Variants in ADAT1 observed in about 807,000 individuals in gnomAD.
ADAT1 encodes tRNA-specific adenosine deaminase 1.
A neutral mutation model predicts 58.6 loss-of-function variants in ADAT1; 58 were observed. The ratio of observed to expected loss-of-function variants is 0.99; its 90% CI spans 0.80 to 1.23. The LOEUF (loss-of-function observed/expected upper bound fraction) is 1.23, where lower values mean the gene tolerates loss of function less well. Ranked by LOEUF, ADAT1 falls within the 50% of genes most tolerant of loss-of-function variation. The probability of loss-of-function intolerance (pLI) is 0.00; values close to 1 mark genes in which losing one functional copy is unlikely to be tolerated. For missense variants in ADAT1, 741 were observed against 608.6 expected, an observed-to-expected ratio of 1.22 and a Z score of -2.29; for synonymous variants, 254 against 220.8, an observed-to-expected ratio of 1.15 and a Z score of -1.33.
chr16:75,602,724 G>C (rs904026266), intron 9 of ADAT1, among the ~76,000 whole-genome samples: 1 of 152,294 alleles, frequency 6.6e-6, no homozygotes, highest in Non-Finnish European at 1.5e-5. Flanking sequence ...AAGTCATGGA[G>C]CTGCAAGTTC....
intron 6 of ADAT1, among the ~76,000 whole-genome samples, chr16:75,609,189 G>C (rs1168798502): frequency 1.3e-5 from 2 of 152,066 alleles, no homozygotes; most frequent in East Asian, 3.8e-4. Context: ...CAATCTGCAG[G>C]GATAACTAAG....
At position 75,615,480 on chromosome 16, in the gene ADAT1, T is replaced by TAAAA. The variant is rs56149357; in HGVS notation, c.424+1658_424+1661dup. Reference sequence around the variant, plus strand: ...CGAACGCAAACGATAGTTGATGAGCTAAAAAAAAAAAAAAAAAAAAAAAAA... The same window carrying TAAAA: ...CGAACGCAAACGATAGTTGATGAGCTAAAAAAAAAAAAAAAAAAAAAAAAAAAAA... On this transcript the variant is annotated intron_variant, in intron 5 of 9. Coordinates refer to ENST00000564657, the MANE Select transcript of ADAT1 (RefSeq NM_001324445.2). Among the ~76,000 whole-genome samples, 31 of 32,944 alleles carry TAAAA rather than the reference T, an allele frequency of 9.4e-4. 8 individuals are homozygous for TAAAA. Among genetic ancestry groups the TAAAA allele is most frequent in the Non-Finnish European group, 2.2e-3 (18 of 8,290 alleles). 21.6% of individuals were successfully genotyped at this position (32,944 alleles called of 152,430 possible). A position where few individuals can be genotyped will look rare whatever the true frequency, so the allele number is the denominator to read the frequency against.
Position 75,617,255 on chromosome 16 carries a change from A to T in ADAT1, c.311T>A (p.Leu104His). Residue 104 changes from leucine to histidine, a missense_variant, in exon 5 of 10, where the codon CTC (leucine) becomes CAC (histidine). Transcript: ENST00000564657. ...CTCTTTCAGGGTGGCTGCCAACTGGAGTTGGTGGAGAAGGTACCTAAGGGT... is the reference window on the plus strand; with the variant it reads ...CTCTTTCAGGGTGGCTGCCAACTGGTGTTGGTGGAGAAGGTACCTAAGGGT... Reference protein sequence around the residue: ...RSFQRYLLHQLQLAATLKEDS... With the variant: ...RSFQRYLLHQHQLAATLKEDS... The T allele has an allele frequency of 6.2e-7, 1 of 1,613,204 alleles. No individual in the cohort carries two copies. The highest frequency in any genetic ancestry group is 8.5e-7 in the Non-Finnish European group (1 of 1,179,330).
chr16:75,599,735 G>A lies in ADAT1; in HGVS notation c.*481C>T, dbSNP rs141047834. The A allele has an allele frequency of 1.0e-6, 1 of 988,952 alleles. No individual in the cohort carries two copies. The highest frequency in any genetic ancestry group is 1.2e-6 in the Non-Finnish European group (1 of 832,062). The allele number at this position is 988,952 out of a possible 1,614,324, so 61.3% of individuals were successfully genotyped here. A position where few individuals can be genotyped will look rare whatever the true frequency, so the allele number is the denominator to read the frequency against. On this transcript the variant is annotated 3_prime_UTR_variant, in exon 10 of 10. Transcript: ENST00000564657. The stretch of plus-strand genomic sequence containing the variant: ...AGTAAGGTTAGCTTCAGCCAAGTCT[G>A]AGGCACAGAGCAGGATCACTGAAGA...
chr16:75,612,043 G>A (rs1023724344), intron 6 of ADAT1, among the ~76,000 whole-genome samples, 200 bp downstream of exon 6: 2 of 152,122 alleles, frequency 1.3e-5, no homozygotes, highest in Non-Finnish European at 2.9e-5. Context: ...GGGTGACAGA[G>A]CAAGACTCCG....
intron 3 of ADAT1, among the ~76,000 whole-genome samples, chr16:75,619,336 AAC>A (rs770806506): frequency 6.6e-6 from 1 of 152,120 alleles, no homozygotes; most frequent in Non-Finnish European, 1.5e-5. Context: ...CAGCCTGGCT[AAC>A]ACAGTGAGAC....
chr16:75,599,848 G>A lies in ADAT1; in HGVS notation c.*368C>T. The A allele has an allele frequency of 1.0e-6, 1 of 1,002,130 alleles. No individual in the cohort carries two copies. Among genetic ancestry groups the A allele is most frequent in the Non-Finnish European group, 1.2e-6 (1 of 840,900 alleles). 62.1% of individuals were successfully genotyped at this position (1,002,130 alleles called of 1,614,324 possible). On this transcript the variant is annotated 3_prime_UTR_variant, in exon 10 of 10. Coordinates refer to ENST00000564657, the MANE Select transcript of ADAT1 (RefSeq NM_001324445.2). The stretch of plus-strand genomic sequence containing the variant: ...GCTAGGCAAAGCTGTAAAACTTGCA[G>A]AGCGTCAAACATCATTTCAGCTCAA...
Position 75,608,468 on chromosome 16 carries a change from G to C in ADAT1, c.1190-145C>G, listed in dbSNP as rs909838623. 8 of 674,002 alleles carry C rather than the reference G, an allele frequency of 1.2e-5. No individual in the cohort carries two copies. In the Admixed American group the frequency reaches 2.1e-4, roughly 18 times the overall value. The allele number at this position is 674,002 out of a possible 1,614,324, so 41.8% of individuals were successfully genotyped here. A position where few individuals can be genotyped will look rare whatever the true frequency, so the allele number is the denominator to read the frequency against. The stretch of plus-strand genomic sequence containing the variant: ...GACAATGACTGCTATTGGATGCTTG[G>C]CCTCCAGGGTACAGTAGTCTAAGTG... On this transcript the variant is annotated intron_variant, in intron 7 of 9. Transcript: ENST00000564657.
At chr16:75,619,893 C>CAA (rs750598792) in intron 3 of ADAT1, 1,282 of 98,080 alleles carry the variant, frequency 0.013, 3 homozygotes, top group South Asian at 0.031. Context: ...GACTCCGAGT[C>CAA]AAAAAAAAAA....
In ADAT1 at chr16:75,620,396, G is replaced by A. The variant is rs2081893544; in HGVS notation, c.170-62C>T. 1.0e-5 allele frequency: 16 copies of A among 1,565,022 alleles called. No individual in the cohort carries two copies. In the South Asian group the frequency reaches 1.7e-4, roughly 16 times the overall value. On this transcript the variant is annotated intron_variant, in intron 2 of 9. Coordinates refer to ENST00000564657, the MANE Select transcript of ADAT1 (RefSeq NM_001324445.2). ...ACGGAATGTTCCCCGGTGTTCAGGTGTGATCAGCCTGCACACTCCTCTAGG... is the reference window on the plus strand; with the variant it reads ...ACGGAATGTTCCCCGGTGTTCAGGTATGATCAGCCTGCACACTCCTCTAGG...
At position 75,599,998 on chromosome 16, in the gene ADAT1, A is replaced by G; in HGVS notation, c.*218T>C. The G allele has an allele frequency of 2.3e-6, 3 of 1,318,508 alleles. No homozygotes were observed. Among genetic ancestry groups the G allele is most frequent in the Non-Finnish European group, 2.9e-6 (3 of 1,031,686 alleles). 81.7% of individuals were successfully genotyped at this position (1,318,508 alleles called of 1,614,324 possible). ...AGCAATAAAACACAATGGAAGTCAG[A>G]TAGTGAGGTCATTAGTGAGATGCCA... On this transcript the variant is annotated 3_prime_UTR_variant, in exon 10 of 10. Coordinates refer to ENST00000564657, the MANE Select transcript of ADAT1 (RefSeq NM_001324445.2).
chr16:75,609,637 A>T (rs1377629287), intron 6 of ADAT1, among the ~76,000 whole-genome samples: 3 of 152,202 alleles, frequency 2.0e-5, no homozygotes, highest in Admixed American at 6.5e-5. Context: ...ATGTAATTTA[A>T]GGAATTTTCA....
intron 6 of ADAT1, 141 bp from the exon 7 acceptor site, chr16:75,609,129 T>G: frequency 1.0e-6 from 1 of 988,924 alleles, no homozygotes; most frequent in Admixed American, 2.7e-5. Context: ...TGTTTCAGAA[T>G]AGAATCAAGA....
At chr16:75,617,418 A>G in intron 4 of ADAT1, 146 bp from the exon 5 acceptor site, 2 of 862,524 alleles carry the variant, frequency 2.3e-6, no homozygotes, top group South Asian at 4.5e-5. Context: ...TAGACCAGTG[A>G]TTCTCAAAGT....
rs545816178 is a variant in ADAT1 at position 75,612,776 on chromosome 16, T to C, written c.510A>G (p.Ser170=). 8 of 1,614,142 alleles carry C rather than the reference T, an allele frequency of 5.0e-6. No individual in the cohort carries two copies. In the African/African-American group the frequency reaches 1.1e-4, roughly 22 times the overall value. ...PVFRNWAHNS[S]VEASSNLEAP... is the part of the protein sequence containing the mutation. Reference sequence around the variant, plus strand: ...CTTCCAGGTTACTACTGGCTTCTACTGATGAGTTGTGGGCCCAATTTCTGA... The same window carrying C: ...CTTCCAGGTTACTACTGGCTTCTACCGATGAGTTGTGGGCCCAATTTCTGA... The change falls in exon 6 of 10, where the codon TCA becomes TCG. Residue 170 remains serine (S), a synonymous_variant. Coordinates refer to ENST00000564657, the MANE Select transcript of ADAT1 (RefSeq NM_001324445.2).
chr16:75,600,081 T>C lies in ADAT1; in HGVS notation c.*135A>G. On this transcript the variant is annotated 3_prime_UTR_variant, in exon 10 of 10. Transcript: ENST00000564657. ...CTTGCTCTAAGTTCCAGATTCCATC[T>C]GTATTACACAACAGAGATGCAAAGC... The C allele has an allele frequency of 6.7e-7, 1 of 1,496,446 alleles. No homozygotes were observed. Among genetic ancestry groups the C allele is most frequent in the Non-Finnish European group, 8.9e-7 (1 of 1,120,700 alleles). The allele number at this position is 1,496,446 out of a possible 1,614,324, so 92.7% of individuals were successfully genotyped here. A position where few individuals can be genotyped will look rare whatever the true frequency, so the allele number is the denominator to read the frequency against.
At chr16:75,600,525 C>A (rs1037433663) in intron 9 of ADAT1, among the ~76,000 whole-genome samples, 177 bp from the exon 10 acceptor site, 1 of 152,212 alleles carries the variant, frequency 6.6e-6, no homozygotes, top group Admixed American at 6.5e-5. Context: ...TCATACTCAA[C>A]TGAAACAGAG....
chr16:75,619,547 C>T (rs2081860386), intron 3 of ADAT1: 3 of 431,766 alleles, frequency 6.9e-6, no homozygotes, highest in East Asian at 1.4e-4. Flanking sequence ...ACCACTGAAA[C>T]AGACAAATAA....
At chr16:75,601,391 C>G (rs2081226103) in intron 9 of ADAT1, among the ~76,000 whole-genome samples, 1 of 151,876 alleles carries the variant, frequency 6.6e-6, no homozygotes, top group East Asian at 1.9e-4. Flanking sequence ...CTACTACAAA[C>G]CAGGCTCTTG....
Sources: allele counts gnomAD v4.1 joint callset (sites outside exome capture counted in the v4.1 genomes callset), GRCh38; gene constraint gnomAD v4.1.1; transcripts MANE v1.5; gene names NCBI Gene and HGNC (gene_info 2026-07-23, HGNC 2026-07-21).